The following C12orf42 variants were observed in gnomAD, a reference collection of about 807,000 sequenced individuals.
The protein encoded by C12orf42 is chromosome 12 open reading frame 42.
In C12orf42, 25 loss-of-function variants were observed where a neutral mutation model predicts 21.6. That is an observed-to-expected ratio of 1.16 (90% CI 0.84 to 1.62). C12orf42 has a LOEUF of 1.62. Ranked by LOEUF, C12orf42 falls within the 40% of genes most tolerant of loss-of-function variation. C12orf42 has a pLI of 0.00. For synonymous variants in C12orf42, 174 were observed against 175.0 expected, an observed-to-expected ratio of 0.99 and a Z score of 0.05; for missense variants, 483 against 459.3, an observed-to-expected ratio of 1.05 and a Z score of -0.47.
chr12:103,294,444 A>AAGGAGAGAG (rs1555245929), intron 4 of C12orf42, among the ~76,000 whole-genome samples: 17 of 127,198 alleles, frequency 1.3e-4, no homozygotes, highest in African/African-American at 5.6e-4. Context: ...GAAAGAAAGA[A>AAGGAGAGAG]AGAAAGAAAG....
At chr12:103,561,016 T>C in the C12orf42 span, among the ~76,000 whole-genome samples, 1 of 152,246 alleles carries the variant, frequency 6.6e-6, no homozygotes, top group African/African-American at 2.4e-5. Flanking sequence ...TTTATTCACC[T>C]CATTTTCATT....
intron 2 of C12orf42, among the ~76,000 whole-genome samples, chr12:103,414,752 G>T (rs925022861): frequency 2.6e-5 from 4 of 152,148 alleles, no homozygotes; most frequent in African/African-American, 7.2e-5. Flanking sequence ...TTTGCATCCT[G>T]AAACTTTACT....
chr12:103,274,833 C>A (rs1440240258), intron 5 of C12orf42, among the ~76,000 whole-genome samples: 2 of 152,194 alleles, frequency 1.3e-5, no homozygotes, highest in African/African-American at 2.4e-5. Context: ...TGCTTTCAAT[C>A]TGGCCAAACA....
intron 1 of C12orf42, among the ~76,000 whole-genome samples, chr12:103,492,123 A>G (rs1955226982): frequency 6.6e-6 from 1 of 152,010 alleles, no homozygotes; most frequent in South Asian, 2.1e-4. Flanking sequence ...CGCCCAGCTA[A>G]TTTTTATACT....
chr12:103,279,753 G>A (rs1160405535), intron 4 of C12orf42, among the ~76,000 whole-genome samples: 1 of 152,168 alleles, frequency 6.6e-6, no homozygotes, highest in Non-Finnish European at 1.5e-5. Flanking sequence ...GCCTCTTATG[G>A]GTTTGAATAC....
At chr12:103,439,617 C>T (rs1951037353) in intron 2 of C12orf42, among the ~76,000 whole-genome samples, 1 of 148,594 alleles carries the variant, frequency 6.7e-6, no homozygotes, top group Admixed American at 6.7e-5. Flanking sequence ...AGACACTTCT[C>T]AAAAGAAGAC....
At chr12:103,555,060 G>C in the C12orf42 span, among the ~76,000 whole-genome samples, 2 of 152,324 alleles carry the variant, frequency 1.3e-5, no homozygotes, top group Admixed American at 1.3e-4. Flanking sequence ...GCAGGGTAGA[G>C]CTTCTCAGAT....
rs778226793 is a variant in C12orf42, at chr12:103,410,870, C to T, written c.79-9195G>A. Among the ~76,000 whole-genome samples the T allele has an allele frequency of 3.9e-5, 6 of 152,274 alleles. No individual in the cohort carries two copies. In the South Asian group the frequency reaches 6.2e-4, roughly 16 times the overall value. ...TAAGGAAAGCGGGAAGAGAAATCAA[C>T]GGTTACTGAGCACATCTCAGCAACT... On this transcript the variant is annotated intron_variant, in intron 2 of 5. Coordinates refer to ENST00000548883, the MANE Select transcript of C12orf42 (RefSeq NM_198521.5).
chr12:103,237,495 T>C (rs1396561607), downstream of C12orf42: 3 of 152,192 alleles, frequency 2.0e-5, no homozygotes, highest in African/African-American at 7.2e-5. Context: ...ATGTATGGGG[T>C]AGTTCAGAAG....
chr12:103,399,898 TATATG>T (rs1462634334), intron 3 of C12orf42, among the ~76,000 whole-genome samples: 16 of 152,240 alleles, frequency 1.1e-4, no homozygotes, highest in Admixed American at 7.2e-4. Context: ...TAGTATGTTA[TATATG>T]ATATATGTTT....
chr12:103,446,181 C>T (rs115958581), intron 2 of C12orf42, among the ~76,000 whole-genome samples: 41 of 151,926 alleles, frequency 2.7e-4, no homozygotes, highest in Non-Finnish European at 2.6e-4. Context: ...AGAAACCCTA[C>T]GAGCTAGAAG....
chr12:103,513,929 G>A, the C12orf42 span, among the ~76,000 whole-genome samples: 1 of 152,162 alleles, frequency 6.6e-6, no homozygotes, highest in Non-Finnish European at 1.5e-5. Context: ...AAAGGGAATA[G>A]AGAGAAAGGA....
At chr12:103,174,032 C>A in the C12orf42 span, among the ~76,000 whole-genome samples, 1 of 152,202 alleles carries the variant, frequency 6.6e-6, no homozygotes, top group Non-Finnish European at 1.5e-5. Context: ...ACTTACAGAT[C>A]GCTGCTCATT....
At chr12:103,559,153 A>C in the C12orf42 span, 1 of 152,248 alleles carries the variant, frequency 6.6e-6, no homozygotes, top group African/African-American at 2.4e-5. Context: ...AGTGAGATTT[A>C]TGGTGAATGC....
At chr12:103,319,186 A>C (rs7134630) in intron 4 of C12orf42, among the ~76,000 whole-genome samples, 54,137 of 152,066 alleles carry the variant, frequency 0.36, 10,748 homozygotes, top group African/African-American at 0.52. Context: ...CATCATTCAA[A>C]AGCACATATT....
the C12orf42 span, among the ~76,000 whole-genome samples, chr12:103,165,315 C>T: frequency 2.6e-5 from 4 of 152,138 alleles, no homozygotes; most frequent in African/African-American, 9.7e-5. Flanking sequence ...AAAGACAGGC[C>T]CTCTCTTTGT....
the C12orf42 span, among the ~76,000 whole-genome samples, chr12:103,060,936 C>T: frequency 6.6e-6 from 1 of 152,104 alleles, no homozygotes; most frequent in Non-Finnish European, 1.5e-5. Flanking sequence ...GACTAAAACA[C>T]CAAAAGCAAT....
chr12:103,053,619 A>C, the C12orf42 span, among the ~76,000 whole-genome samples: 1 of 151,978 alleles, frequency 6.6e-6, no homozygotes, highest in Non-Finnish European at 1.5e-5. Context: ...CTGAATTATC[A>C]CTTTTTAAAA....
At chr12:103,160,449 C>T in the C12orf42 span, among the ~76,000 whole-genome samples, 1 of 152,118 alleles carries the variant, frequency 6.6e-6, no homozygotes, top group Non-Finnish European at 1.5e-5. Context: ...AATCTAATAC[C>T]CTGAACATTG....
Sources: allele counts gnomAD v4.1 joint callset (sites outside exome capture counted in the v4.1 genomes callset), GRCh38; gene constraint gnomAD v4.1.1; transcripts MANE v1.5; gene names NCBI Gene and HGNC (gene_info 2026-07-23, HGNC 2026-07-21).